Variants in FER observed in about 807,000 individuals in gnomAD.
The protein encoded by FER is FER tyrosine kinase.
Under a neutral mutation model 111.0 loss-of-function variants are expected in FER, and 63 were observed. The observed-to-expected ratio is 0.57, with a 90% CI of 0.46 to 0.70. FER has a LOEUF of 0.70. FER is among the 30% of genes least tolerant of loss of function. The pLI, the probability that FER is intolerant of heterozygous loss-of-function variation, is 0.00. For missense variants in FER, 914 were observed against 954.0 expected, an observed-to-expected ratio of 0.96 and a Z score of 0.55; for synonymous variants, 327 against 313.9, an observed-to-expected ratio of 1.04 and a Z score of -0.44.
At chr5:109,083,247 A>G (rs562284143) in intron 16 of FER, among the ~76,000 whole-genome samples, 2 of 152,066 alleles carry the variant, frequency 1.3e-5, no homozygotes, top group Non-Finnish European at 2.9e-5. Context: ...TTTCCAGGAC[A>G]TGACAATTAA....
chr5:108,971,726 A>G (rs988184482), intron 13 of FER, among the ~76,000 whole-genome samples: 1 of 152,180 alleles, frequency 6.6e-6, no homozygotes, highest in African/African-American at 2.4e-5. Flanking sequence ...TTTTTCCTGA[A>G]TAGAATAGTA....
intron 2 of FER, among the ~76,000 whole-genome samples, chr5:108,790,264 C>CACACAG (rs990304740): frequency 3.3e-5 from 5 of 151,774 alleles, no homozygotes; most frequent in Non-Finnish European, 7.4e-5. Context: ...CACACACACA[C>CACACAG]ACACACACAC....
chr5:108,995,966 T>C (rs1416363257), intron 13 of FER, among the ~76,000 whole-genome samples: 1 of 152,250 alleles, frequency 6.6e-6, no homozygotes, highest in Non-Finnish European at 1.5e-5. Flanking sequence ...TTCTAACTGG[T>C]GTGAGATGGT....
At chr5:108,824,195 G>A (rs566825295) in intron 3 of FER, among the ~76,000 whole-genome samples, 1 of 152,128 alleles carries the variant, frequency 6.6e-6, no homozygotes, top group Admixed American at 6.5e-5. Context: ...TGGAAATATA[G>A]TTTGGAAAAA....
At chr5:109,122,697 G>C (rs1406596497) in intron 17 of FER, among the ~76,000 whole-genome samples, 1 of 151,990 alleles carries the variant, frequency 6.6e-6, no homozygotes, top group Non-Finnish European at 1.5e-5. Context: ...GTTGTATTGG[G>C]GTCTCTTTCT....
intron 16 of FER, among the ~76,000 whole-genome samples, chr5:109,097,863 T>G (rs1747730659): frequency 6.6e-6 from 1 of 151,812 alleles, no homozygotes; most frequent in Non-Finnish European, 1.5e-5. Flanking sequence ...TATTTAATTT[T>G]TATTGAGGTC....
At chr5:109,066,497 A>G (rs1775106218) in intron 16 of FER, among the ~76,000 whole-genome samples, 1 of 152,132 alleles carries the variant, frequency 6.6e-6, no homozygotes, top group Non-Finnish European at 1.5e-5. Context: ...ATTCTTTTTA[A>G]GTTAAGTAGG....
chr5:108,782,689 G>A (rs1754228042), intron 2 of FER: 1 of 151,910 alleles, frequency 6.6e-6, no homozygotes, highest in Admixed American at 6.6e-5. Context: ...TGTTGCCTAG[G>A]CTGATCTTGA....
chr5:109,077,591 T>A (rs1319737974), intron 16 of FER, among the ~76,000 whole-genome samples: 1 of 152,142 alleles, frequency 6.6e-6, no homozygotes, highest in Non-Finnish European at 1.5e-5. Context: ...CATTGCAGGG[T>A]CTTTGTAAAC....
chr5:108,765,940 T>TG (rs1283162188), intron 1 of FER, among the ~76,000 whole-genome samples: 3 of 152,122 alleles, frequency 2.0e-5, no homozygotes, highest in Non-Finnish European at 4.4e-5. Flanking sequence ...GAATTTTTTT[T>TG]TTTTTTTGAA....
At chr5:108,871,253 T>A in intron 6 of FER, 112 bp from the exon 7 acceptor site, 3 of 800,676 alleles carry the variant, frequency 3.7e-6, no homozygotes, top group Non-Finnish European at 5.9e-6. Context: ...GAAACAACCA[T>A]CTGTACATTT....
intron 17 of FER, among the ~76,000 whole-genome samples, chr5:109,143,930 C>T (rs1242002614): frequency 1.3e-5 from 2 of 151,530 alleles, no homozygotes; most frequent in African/African-American, 2.4e-5. Context: ...CAGTTTCAAG[C>T]AGTATCTTTG....
intron 3 of FER, among the ~76,000 whole-genome samples, chr5:108,798,774 T>G (rs1360277960): frequency 6.6e-6 from 1 of 152,076 alleles, no homozygotes; most frequent in Non-Finnish European, 1.5e-5. Flanking sequence ...CTTGAGCCTG[T>G]TAGATCAAGG....
intron 17 of FER, among the ~76,000 whole-genome samples, chr5:109,114,692 A>T (rs1307600706): frequency 2.0e-5 from 3 of 152,098 alleles, no homozygotes; most frequent in Admixed American, 2.0e-4. Context: ...TTTATTTACC[A>T]AAAAAATAAA....
rs189851570 is a variant in FER at position 108,766,603 on chromosome 5, G to C, written c.-205-1490G>C. 5.3e-5 allele frequency among the ~76,000 whole-genome samples: 8 copies of C among 152,312 alleles called. No individual in the cohort carries two copies. The East Asian group carries it at 1.5e-3, about 29-fold the overall frequency. On this transcript the variant is annotated intron_variant, in intron 1 of 19. Coordinates refer to ENST00000281092, the MANE Select transcript of FER (RefSeq NM_005246.4). ...AGGGCGAAGGCACCCTTTGGAAATG[G>C]TTAAAAGATTAGAAAAGTAGACTTG...
chr5:108,769,560 G>C (rs1384092682), intron 2 of FER, among the ~76,000 whole-genome samples: 1 of 152,166 alleles, frequency 6.6e-6, no homozygotes, highest in Non-Finnish European at 1.5e-5. Context: ...TGGCTTTTAG[G>C]AGCTGAGGTG....
intron 16 of FER, among the ~76,000 whole-genome samples, chr5:109,052,806 G>T (rs1450561494): frequency 6.6e-6 from 1 of 152,152 alleles, no homozygotes; most frequent in Admixed American, 6.5e-5. Flanking sequence ...ATCTTTGGGA[G>T]GCCATATTCA....
At chr5:109,060,190 G>A (rs957980156) in intron 16 of FER, among the ~76,000 whole-genome samples, 15 of 151,910 alleles carry the variant, frequency 9.9e-5, no homozygotes, top group African/African-American at 3.6e-4. Context: ...ACAGGCATGA[G>A]GGTTCTTTTT....
chr5:108,833,563 A>G (rs1190307048), intron 4 of FER, among the ~76,000 whole-genome samples: 1 of 152,052 alleles, frequency 6.6e-6, no homozygotes, highest in Non-Finnish European at 1.5e-5. Flanking sequence ...TATAGCTAAA[A>G]TAAGTGATCT....
Sources: gnomAD v4.1 joint callset for allele counts (sites outside exome capture counted in the v4.1 genomes callset) on GRCh38, gnomAD v4.1.1 for gene constraint, MANE v1.5 for transcripts, NCBI Gene and HGNC (gene_info 2026-07-23, HGNC 2026-07-21) for gene names.